CREB5: variants seen among roughly 807,000 people sequenced by gnomAD.
The protein encoded by CREB5 is cyclic AMP-responsive element-binding protein 5.
CREB5 carries 19 observed loss-of-function variants against 57.1 expected under a neutral mutation model. The observed-to-expected ratio is 0.33, with a 90% CI of 0.23 to 0.49. The LOEUF (loss-of-function observed/expected upper bound fraction) is 0.49. Ranked by LOEUF, CREB5 falls within the 20% of genes least tolerant of loss-of-function variation. CREB5 has a pLI of 0.99. For synonymous variants in CREB5, 238 were observed against 238.3 expected (o/e 1.00, Z 0.01); for missense variants, 579 against 671.6 (o/e 0.86, Z 1.52).
chr7:28,557,532 C>G (rs1237723374), intron 4 of CREB5, among the ~76,000 whole-genome samples: 1 of 151,814 alleles, frequency 6.6e-6, no homozygotes, highest in African/African-American at 2.4e-5. Flanking sequence ...TGATCTGGTG[C>G]TTTTGGACCA....
At chr7:28,693,323 T>A (rs1448831349) in intron 5 of CREB5, among the ~76,000 whole-genome samples, 2 of 152,232 alleles carry the variant, frequency 1.3e-5, no homozygotes, top group East Asian at 3.8e-4. Context: ...TGAACTGGAA[T>A]GGCTACCATG....
At chr7:28,741,891 C>T (rs1804370407) in intron 7 of CREB5, among the ~76,000 whole-genome samples, 1 of 151,610 alleles carries the variant, frequency 6.6e-6, no homozygotes, top group Admixed American at 6.6e-5. Flanking sequence ...CATGGTGAAA[C>T]CCTGTCTCTA....
chr7:28,743,838 C>T (rs1257349885), intron 7 of CREB5, among the ~76,000 whole-genome samples: 43 of 76,010 alleles, frequency 5.7e-4, no homozygotes, highest in Admixed American at 1.1e-3. Flanking sequence ...ATCTCCTTTT[C>T]TTTTTTTTTT....
At chr7:28,758,852 T>G (rs937593035) in intron 7 of CREB5, among the ~76,000 whole-genome samples, 2 of 152,166 alleles carry the variant, frequency 1.3e-5, no homozygotes, top group African/African-American at 4.8e-5. Flanking sequence ...AATATGGCCT[T>G]TCACAGTTCC....
At chr7:28,502,637 C>A (rs1583546672) in intron 3 of CREB5, among the ~76,000 whole-genome samples, 1 of 152,082 alleles carries the variant, frequency 6.6e-6, no homozygotes, top group Non-Finnish European at 1.5e-5. Flanking sequence ...ACTAATGAGG[C>A]TTTTTATAGT....
At chr7:28,385,839 G>A (rs567572512) in intron 1 of CREB5, among the ~76,000 whole-genome samples, 1 of 152,170 alleles carries the variant, frequency 6.6e-6, no homozygotes, top group Non-Finnish European at 1.5e-5. Flanking sequence ...GCAGTCACAC[G>A]AGTTTCTAGA....
chr7:28,558,586 A>G (rs1446618937), intron 4 of CREB5, among the ~76,000 whole-genome samples: 2 of 152,170 alleles, frequency 1.3e-5, no homozygotes, highest in East Asian at 3.9e-4. Flanking sequence ...CAGGTGCCCA[A>G]CCAATGCTCC....
intron 3 of CREB5, among the ~76,000 whole-genome samples, chr7:28,501,855 G>C (rs1427667793): frequency 6.6e-6 from 1 of 152,184 alleles, no homozygotes; most frequent in Non-Finnish European, 1.5e-5. Context: ...TTTGGAGCTA[G>C]TTGAGCATGC....
chr7:28,638,296 A>AAC (rs372832509), intron 5 of CREB5, among the ~76,000 whole-genome samples: 29 of 102,384 alleles, frequency 2.8e-4, no homozygotes, highest in South Asian at 1.6e-3. Flanking sequence ...CACACACACG[A>AAC]ACACACACAC....
chr7:28,413,764 C>T (rs1279361149), intron 1 of CREB5, among the ~76,000 whole-genome samples: 2 of 152,060 alleles, frequency 1.3e-5, no homozygotes, highest in Admixed American at 6.6e-5. Flanking sequence ...GAATAGGTGG[C>T]TAAATGAATG....
At chr7:28,798,378 G>A (rs1369488109) in intron 7 of CREB5, among the ~76,000 whole-genome samples, 1 of 151,878 alleles carries the variant, frequency 6.6e-6, no homozygotes, top group Admixed American at 6.5e-5. Context: ...GTGGGTGTGG[G>A]TGGGTGTGCT....
At position 28,464,648 on chromosome 7, in the gene CREB5, T is replaced by C. The variant is rs182232597; in HGVS notation, c.4-23527T>C. Among the ~76,000 whole-genome samples the C allele has an allele frequency of 5.3e-5, 8 of 152,066 alleles. No individual in the cohort carries two copies. In the East Asian group the frequency reaches 1.5e-3, roughly 29 times the overall value. ...TAGGAATTTGTCCTTTTCATCAGGA[T>C]TATCTGACTTGTTCACAATACAGTT... On this transcript the variant is annotated intron_variant, in intron 1 of 10. Transcript: ENST00000357727.
At chr7:28,791,827 G>T (rs1807727540) in intron 7 of CREB5, among the ~76,000 whole-genome samples, 1 of 152,194 alleles carries the variant, frequency 6.6e-6, no homozygotes. Flanking sequence ...ATGGTACTCA[G>T]TTGTGACAAT....
At chr7:28,483,529 A>C (rs1244880095) in intron 1 of CREB5, among the ~76,000 whole-genome samples, 1 of 152,070 alleles carries the variant, frequency 6.6e-6, no homozygotes, top group Non-Finnish European at 1.5e-5. Flanking sequence ...TTGACTGTTG[A>C]TGCTGAATTT....
At chr7:28,584,905 T>C (rs530088433) in intron 5 of CREB5, among the ~76,000 whole-genome samples, 24 of 152,256 alleles carry the variant, frequency 1.6e-4, no homozygotes, top group African/African-American at 5.8e-4. Flanking sequence ...AGAACAGCTA[T>C]CTTGCTGTTG....
chr7:28,769,393 T>C (rs35161184), intron 7 of CREB5, among the ~76,000 whole-genome samples: 1 of 152,080 alleles, frequency 6.6e-6, no homozygotes, highest in Non-Finnish European at 1.5e-5. Flanking sequence ...AGAGATATGC[T>C]AATTATCCTG....
At chr7:28,766,254 C>G (rs1222671422) in intron 7 of CREB5, among the ~76,000 whole-genome samples, 1 of 152,004 alleles carries the variant, frequency 6.6e-6, no homozygotes, top group East Asian at 1.9e-4. Flanking sequence ...AACAGTCTGT[C>G]ATCTTTCCCT....
intron 1 of CREB5, among the ~76,000 whole-genome samples, chr7:28,454,755 A>C (rs559101926): frequency 6.6e-6 from 1 of 152,270 alleles, no homozygotes; most frequent in Non-Finnish European, 1.5e-5. Flanking sequence ...AAGCATATAA[A>C]ATTTTTTTTC....
intron 5 of CREB5, among the ~76,000 whole-genome samples, chr7:28,692,814 A>C (rs1209226950): frequency 6.6e-6 from 1 of 152,226 alleles, no homozygotes; most frequent in Non-Finnish European, 1.5e-5. Flanking sequence ...CATGCATTTC[A>C]TGAGTTTGGG....
Sources: gnomAD v4.1 joint callset for allele counts (sites outside exome capture counted in the v4.1 genomes callset) on GRCh38, gnomAD v4.1.1 for gene constraint, MANE v1.5 for transcripts, NCBI Gene and HGNC (gene_info 2026-07-23, HGNC 2026-07-21) for gene names.